Variants in VASP observed in about 807,000 individuals in gnomAD.
VASP encodes the protein vasodilator stimulated phosphoprotein, also known as vasodilator-stimulated phosphoprotein.
A neutral mutation model predicts 54.4 loss-of-function variants in VASP; 27 were observed. That is an observed-to-expected ratio of 0.50 (90% CI 0.37 to 0.68). The LOEUF is 0.68. Ranked by LOEUF, VASP falls within the 30% of genes least tolerant of loss-of-function variation. VASP has a pLI of 0.00. For synonymous variants in VASP, 233 were observed against 209.8 expected (o/e 1.11, Z -0.96); for missense variants, 488 against 528.3 (o/e 0.92, Z 0.75).
intron 4 of VASP, among the ~76,000 whole-genome samples, chr19:45,521,614 C>G (rs1599937784): frequency 6.6e-6 from 1 of 152,152 alleles, no homozygotes; most frequent in Non-Finnish European, 1.5e-5. Flanking sequence ...TGTGGCTGGG[C>G]GTGGTGGCTC....
chr19:45,517,907 C>T (rs765034487), intron 2 of VASP, 22 bp from the exon 3 acceptor site: 1 of 1,599,468 alleles, frequency 6.3e-7, no homozygotes, highest in Non-Finnish European at 8.5e-7. Flanking sequence ...CCGCCCCTCA[C>T]CCCCCTTTCC....
At chr19:45,513,467 CCTT>C (rs1350649926) in intron 1 of VASP, among the ~76,000 whole-genome samples, 1 of 114,808 alleles carries the variant, frequency 8.7e-6, no homozygotes, top group African/African-American at 3.7e-5. Flanking sequence ...TAGTCTCTCT[CCTT>C]TTTTTTTTTT....
At chr19:45,509,254 CCTATCCG>C (rs1968550245) in intron 1 of VASP, among the ~76,000 whole-genome samples, 1 of 152,212 alleles carries the variant, frequency 6.6e-6, no homozygotes, top group Non-Finnish European at 1.5e-5. Flanking sequence ...AGACTTCCTG[CCTATCCG>C]CTCCCCATTA....
In VASP at chr19:45,513,396, C is replaced by T. The variant is rs1470714740; in HGVS notation, c.6-4267C>T. Among the ~76,000 whole-genome samples the T allele has an allele frequency of 2.6e-5, 4 of 151,918 alleles. No homozygotes were observed. The East Asian group carries it at 7.7e-4, about 29-fold the overall frequency. On this transcript the variant is annotated intron_variant, in intron 1 of 12. Transcript: ENST00000245932. ...AGTAGCTGGGACTACAGGCAAGCGC[C>T]ACCACACCCAGCTAATTTTAAAGTT...
At chr19:45,521,062 G>T (rs1968819673) in intron 3 of VASP, among the ~76,000 whole-genome samples, 5 of 152,232 alleles carry the variant, frequency 3.3e-5, no homozygotes, top group Admixed American at 2.6e-4. Context: ...TGGGGCAAGT[G>T]ACTGTTCCCC....
At chr19:45,522,952 T>A (rs1968875591) in intron 7 of VASP, 134 bp downstream of exon 7, 1 of 959,612 alleles carries the variant, frequency 1.0e-6, no homozygotes, top group Non-Finnish European at 1.5e-6. Flanking sequence ...GTTTGGGATA[T>A]AATGGTGGGG....
intron 7 of VASP, among the ~76,000 whole-genome samples, chr19:45,523,375 G>T (rs1212933539): frequency 6.6e-6 from 1 of 151,374 alleles, no homozygotes; most frequent in Non-Finnish European, 1.5e-5. Context: ...GCTAATTTTT[G>T]TATTTTTAGT....
chr19:45,526,020 TG>T lies in VASP; in HGVS notation c.1105+19del, dbSNP rs1968956842. The T allele has an allele frequency of 6.2e-7, 1 of 1,613,650 alleles. No individual in the cohort carries two copies. Among genetic ancestry groups the T allele is most frequent in the Non-Finnish European group, 8.5e-7 (1 of 1,179,902 alleles). On this transcript the variant is annotated intron_variant, in intron 12 of 12. Transcript: ENST00000245932. ...TCATTGAAGGTGAGGTGGTTTGCTT[TG>T]GTTTTGTTCTTAAACATTTACTTAT...
intron 1 of VASP, among the ~76,000 whole-genome samples, chr19:45,508,168 G>C (rs1968526609): frequency 6.6e-6 from 1 of 152,132 alleles, no homozygotes; most frequent in Non-Finnish European, 1.5e-5. Context: ...AGGATTGTGG[G>C]GGACCGATTT....
Position 45,519,393 on chromosome 19 carries a change from C to T in VASP, c.343+1299C>T, listed in dbSNP as rs1968776243. Among the ~76,000 whole-genome samples, 5 of 152,136 alleles carry T rather than the reference C, an allele frequency of 3.3e-5. No homozygotes were observed. In the South Asian group the frequency reaches 1.0e-3, roughly 32 times the overall value. Reference sequence around the variant, plus strand: ...TCCTGGCCTCAAGTGATCCACCTGCCTCTGCCTCCCAAAGTGCTGGGATTA... The same window carrying T: ...TCCTGGCCTCAAGTGATCCACCTGCTTCTGCCTCCCAAAGTGCTGGGATTA... On this transcript the variant is annotated intron_variant, in intron 3 of 12. Coordinates refer to ENST00000245932, the MANE Select transcript of VASP (RefSeq NM_003370.4).
chr19:45,510,709 G>A (rs888039658), intron 1 of VASP, among the ~76,000 whole-genome samples: 1 of 152,120 alleles, frequency 6.6e-6, no homozygotes, highest in African/African-American at 2.4e-5. Flanking sequence ...AAGGCAGAAG[G>A]ATCGCTTGAG....
intron 10 of VASP, 58 bp from the exon 11 acceptor site, chr19:45,524,512 G>A: frequency 6.5e-7 from 1 of 1,532,426 alleles, no homozygotes. Flanking sequence ...ATAGGAGGCG[G>A]GGAAGCAGGT....
chr19:45,523,464 A>C lies in VASP; in HGVS notation c.822-180A>C, dbSNP rs559205336. Among the ~76,000 whole-genome samples the C allele has an allele frequency of 2.0e-4, 31 of 152,052 alleles. No homozygotes were observed. In the South Asian group the frequency reaches 6.2e-3, roughly 30 times the overall value. ...GAGATCCACCTGCTTCAGCCTCTCA[A>C]AGTGTTGGCATTACAGGCCACTGCG... On this transcript the variant is annotated intron_variant, in intron 7 of 12. Transcript: ENST00000245932.
chr19:45,511,202 G>A (rs1053298925), intron 1 of VASP, among the ~76,000 whole-genome samples: 2 of 152,098 alleles, frequency 1.3e-5, no homozygotes, highest in African/African-American at 4.8e-5. Flanking sequence ...ATGGTATAAG[G>A]AGGGTATGGG....
chr19:45,508,568 A>C (rs111236592), intron 1 of VASP, among the ~76,000 whole-genome samples: 1 of 140,900 alleles, frequency 7.1e-6, no homozygotes, highest in South Asian at 2.1e-4. Flanking sequence ...CAGCTGGGGG[A>C]AGGGGGCCTT....
At chr19:45,525,707 G>A (rs978144228) in intron 11 of VASP, 1 of 408,858 alleles carries the variant, frequency 2.4e-6, no homozygotes. Context: ...AAAAAAAAAA[G>A]AAAAAGAAAA....
chr19:45,524,765 TTCCAA>T, intron 11 of VASP, 105 bp downstream of exon 11: 4 of 1,154,394 alleles, frequency 3.5e-6, no homozygotes, highest in Non-Finnish European at 3.8e-6. Context: ...AACCTCAGGT[TTCCAA>T]TCTGACAAAT....
In VASP at chr19:45,507,575, G is replaced by C. The variant is rs1000624398; in HGVS notation, c.-197G>C. ...TTTCTGCTGCAGGAACCTCTCATCA[G>C]ACCGCCTGAGGGAAGCGGCGCCCGG... On this transcript the variant is annotated 5_prime_UTR_variant, in exon 1 of 13. Coordinates refer to ENST00000245932, the MANE Select transcript of VASP (RefSeq NM_003370.4). This position sits in a 1 kb window ranked among gnomAD's most constrained non-coding sequence, Gnocchi z 4.4. 2 of 578,574 alleles carry C rather than the reference G, an allele frequency of 3.5e-6. No homozygotes were observed. Among genetic ancestry groups the C allele is most frequent in the African/African-American group, 4.0e-5 (2 of 49,974 alleles). The allele number at this position is 578,574 out of a possible 1,614,324, so 35.8% of individuals were successfully genotyped here. A position where few individuals can be genotyped will look rare whatever the true frequency, so the allele number is the denominator to read the frequency against.
chr19:45,517,851 G>A lies in VASP; in HGVS notation c.177+17G>A. On this transcript the variant is annotated intron_variant, in intron 2 of 12. Coordinates refer to ENST00000245932, the MANE Select transcript of VASP (RefSeq NM_003370.4). ...GACCAGCAGGTGCAGCTTCCCGCCG[G>A]CCCCCTCTGTGGGCTGAACCCCTAC... The A allele has an allele frequency of 6.2e-7, 1 of 1,611,218 alleles. No homozygotes were observed. Among genetic ancestry groups the A allele is most frequent in the Non-Finnish European group, 8.5e-7 (1 of 1,179,116 alleles).
Sources: allele counts gnomAD v4.1 joint callset (sites outside exome capture counted in the v4.1 genomes callset), GRCh38; gene constraint gnomAD v4.1.1; non-coding constraint Gnocchi (gnomAD v3.1); transcripts MANE v1.5; gene names NCBI Gene and HGNC (gene_info 2026-07-23, HGNC 2026-07-21).